TMCC1: variants seen among roughly 807,000 people sequenced by gnomAD.
TMCC1 encodes transmembrane and coiled-coil domains protein 1.
Under a neutral mutation model 52.4 loss-of-function variants are expected in TMCC1, and 15 were observed. The observed-to-expected ratio is 0.29, with a 90% CI of 0.19 to 0.44. The LOEUF (loss-of-function observed/expected upper bound fraction) is 0.44. Among genes scored for constraint, TMCC1 ranks in the 20% least tolerant of loss-of-function variants. TMCC1 has a pLI of 1.00. For synonymous variants in TMCC1, 279 were observed against 301.9 expected (o/e 0.92, Z 0.79); for missense variants, 503 against 806.0 (o/e 0.62, Z 4.55).
intron 4 of TMCC1, among the ~76,000 whole-genome samples, chr3:129,751,791 C>T (rs2052552127): frequency 6.6e-6 from 1 of 152,078 alleles, no homozygotes; most frequent in African/African-American, 2.4e-5. Context: ...AAACTCCTGA[C>T]CTCATAATCC....
chr3:129,700,877 C>T (rs552873062), intron 4 of TMCC1, among the ~76,000 whole-genome samples: 3 of 152,196 alleles, frequency 2.0e-5, no homozygotes, highest in South Asian at 4.1e-4. Context: ...CCCCATTATT[C>T]GGAAGCAAAT....
At chr3:129,875,651 A>G (rs904041869) in intron 2 of TMCC1, among the ~76,000 whole-genome samples, 2 of 152,174 alleles carry the variant, frequency 1.3e-5, no homozygotes, top group Non-Finnish European at 2.9e-5. Context: ...CTGTATCTCC[A>G]ACACCTACAA....
intron 4 of TMCC1, among the ~76,000 whole-genome samples, chr3:129,765,634 A>G (rs1169761553): frequency 6.6e-6 from 1 of 152,200 alleles, no homozygotes; most frequent in Non-Finnish European, 1.5e-5. Context: ...CAGATATAAG[A>G]GAAGTATCTC....
At chr3:129,771,281 G>A (rs1387054111) in intron 4 of TMCC1, among the ~76,000 whole-genome samples, 2 of 149,388 alleles carry the variant, frequency 1.3e-5, no homozygotes, top group Admixed American at 1.3e-4. Context: ...AACAAATGAG[G>A]AGCAAAAAGA....
chr3:129,857,724 G>A (rs968432923), intron 2 of TMCC1, among the ~76,000 whole-genome samples: 1 of 98,664 alleles, frequency 1.0e-5, no homozygotes, highest in Admixed American at 1.0e-4. Flanking sequence ...ACTAAGCCTG[G>A]CTAATTTTTT....
intron 1 of TMCC1, among the ~76,000 whole-genome samples, chr3:129,891,013 G>A (rs930597013): frequency 6.6e-6 from 1 of 152,202 alleles, no homozygotes; most frequent in Admixed American, 6.5e-5. Context: ...TACATAAAAT[G>A]TAAGAATGAC....
At chr3:129,815,289 T>C (rs919956851) in intron 4 of TMCC1, among the ~76,000 whole-genome samples, 1 of 152,120 alleles carries the variant, frequency 6.6e-6, no homozygotes, top group Admixed American at 6.6e-5. Flanking sequence ...AGACACTGAA[T>C]AGCCAAAGCA....
At chr3:129,891,409 A>G (rs768739294) in intron 1 of TMCC1, among the ~76,000 whole-genome samples, 10 of 152,234 alleles carry the variant, frequency 6.6e-5, no homozygotes, top group Non-Finnish European at 1.2e-4. Flanking sequence ...TGAAAATTTT[A>G]TGAAATTCAA....
At position 129,751,225 on chromosome 3, in the gene TMCC1, G is replaced by A. The variant is rs993395214; in HGVS notation, c.576+76578C>T. On this transcript the variant is annotated intron_variant, in intron 4 of 6. Transcript: ENST00000393238. The stretch of plus-strand genomic sequence containing the variant: ...AAAAAACAAAACAAAACAAAAATTC[G>A]GGAAAAAAAAGACAAAACTCCAGGC... Among the ~76,000 whole-genome samples the A allele has an allele frequency of 1.7e-4, 25 of 149,614 alleles. No individual in the cohort carries two copies. The Middle Eastern group carries it at 0.014, about 86-fold the overall frequency.
intron 4 of TMCC1, among the ~76,000 whole-genome samples, chr3:129,807,277 C>T (rs998841442): frequency 4.6e-5 from 7 of 152,006 alleles, no homozygotes; most frequent in Admixed American, 4.6e-4. Flanking sequence ...TGTTGTATGG[C>T]TGGTTCACAG....
At chr3:129,744,165 T>A (rs1039333767) in intron 4 of TMCC1, among the ~76,000 whole-genome samples, 1 of 152,214 alleles carries the variant, frequency 6.6e-6, no homozygotes, top group African/African-American at 2.4e-5. Context: ...TTTCACCTTT[T>A]AACTTTAATA....
At chr3:129,831,081 C>T (rs570472549) in intron 3 of TMCC1, among the ~76,000 whole-genome samples, 4 of 151,960 alleles carry the variant, frequency 2.6e-5, no homozygotes, top group African/African-American at 9.7e-5. Context: ...ATTACAGGCA[C>T]GTGCCACCAT....
chr3:129,843,494 A>C (rs1460827759), intron 2 of TMCC1, among the ~76,000 whole-genome samples: 2 of 152,094 alleles, frequency 1.3e-5, no homozygotes, highest in African/African-American at 4.8e-5. Flanking sequence ...CAGGCTATCC[A>C]AGAAATAAAC....
intron 4 of TMCC1, among the ~76,000 whole-genome samples, chr3:129,757,091 A>G (rs1334990151): frequency 6.6e-6 from 1 of 152,188 alleles, no homozygotes; most frequent in African/African-American, 2.4e-5. Flanking sequence ...AAAGCCCACA[A>G]CATTCCAAAC....
intron 6 of TMCC1, among the ~76,000 whole-genome samples, chr3:129,654,423 C>T (rs948537039): frequency 1.3e-5 from 2 of 152,182 alleles, no homozygotes; most frequent in Admixed American, 1.3e-4. Context: ...TTTCAAAATG[C>T]TTTCATATGA....
At chr3:129,696,158 T>C (rs940691793) in intron 4 of TMCC1, among the ~76,000 whole-genome samples, 5 of 152,212 alleles carry the variant, frequency 3.3e-5, no homozygotes, top group African/African-American at 1.2e-4. Context: ...GAGGTCTGAA[T>C]AGGAAACATT....
intron 2 of TMCC1, among the ~76,000 whole-genome samples, chr3:129,875,890 T>C (rs925410709): frequency 6.6e-6 from 1 of 152,132 alleles, no homozygotes; most frequent in African/African-American, 2.4e-5. Flanking sequence ...TCCCAGCACT[T>C]TGGGAGGCCA....
At chr3:129,874,845 C>A (rs1158944340) in intron 2 of TMCC1, among the ~76,000 whole-genome samples, 2 of 151,944 alleles carry the variant, frequency 1.3e-5, no homozygotes, top group African/African-American at 2.4e-5. Context: ...AAGAGCAAGA[C>A]CCTATCTCTA....
At chr3:129,780,866 T>C (rs2055463105) in intron 4 of TMCC1, among the ~76,000 whole-genome samples, 1 of 152,152 alleles carries the variant, frequency 6.6e-6, no homozygotes, top group Admixed American at 6.6e-5. Flanking sequence ...CATTCAGTAT[T>C]CTCTTGCATT....
Sources: gnomAD v4.1 joint callset for allele counts (sites outside exome capture counted in the v4.1 genomes callset) on GRCh38, gnomAD v4.1.1 for gene constraint, MANE v1.5 for transcripts, NCBI Gene and HGNC (gene_info 2026-07-23, HGNC 2026-07-21) for gene names.